Variants in CSMD3 observed in about 807,000 individuals in gnomAD.
CSMD3 encodes the protein CUB and sushi domain-containing protein 3.
In CSMD3, 177 loss-of-function variants were observed where a neutral mutation model predicts 435.2. The observed-to-expected ratio is 0.41, with a 90% CI of 0.36 to 0.46. The LOEUF is 0.46. Ranked by LOEUF, CSMD3 falls within the 20% of genes least tolerant of loss-of-function variation. The probability of loss-of-function intolerance (pLI) is 0.34; values close to 1 mark genes in which losing one functional copy is unlikely to be tolerated. For synonymous variants in CSMD3, 1,656 were observed against 1,520.5 expected (o/e 1.09, Z -2.07); for missense variants, 4,265 against 4,504.6 (o/e 0.95, Z 1.52).
chr8:112,569,149 C>T (rs1338178981), intron 24 of CSMD3, among the ~76,000 whole-genome samples: 4 of 152,106 alleles, frequency 2.6e-5, no homozygotes, highest in Admixed American at 6.6e-5. Flanking sequence ...GGAGTATATG[C>T]GGTTGGCACT....
chr8:113,350,889 C>T (rs1418105216), intron 1 of CSMD3, among the ~76,000 whole-genome samples: 1 of 152,058 alleles, frequency 6.6e-6, no homozygotes, highest in Non-Finnish European at 1.5e-5. Context: ...TATTCAGTCT[C>T]TATGCCTTTA....
intron 2 of CSMD3, among the ~76,000 whole-genome samples, chr8:113,299,392 C>T (rs1163558521): frequency 6.6e-6 from 1 of 152,008 alleles, no homozygotes; most frequent in Admixed American, 6.6e-5. Flanking sequence ...AAATATGTTG[C>T]CCTGCCTAAG....
intron 1 of CSMD3, among the ~76,000 whole-genome samples, chr8:113,424,961 AT>A (rs2094627802): frequency 6.6e-6 from 1 of 151,570 alleles, no homozygotes; most frequent in Non-Finnish European, 1.5e-5. Context: ...TAATCAGATT[AT>A]TTTGGTATTA....
At chr8:112,406,831 C>A in intron 34 of CSMD3, 104 bp from the exon 35 acceptor site, 1 of 635,434 alleles carries the variant, frequency 1.6e-6, no homozygotes, top group Non-Finnish European at 2.6e-6. Flanking sequence ...CACTTTTTAT[C>A]AGAACTTGAA....
chr8:112,422,258 A>G (rs541705900), intron 32 of CSMD3, among the ~76,000 whole-genome samples: 1 of 152,332 alleles, frequency 6.6e-6, no homozygotes, highest in East Asian at 1.9e-4. Flanking sequence ...TTATAAATAC[A>G]TTCATCCTAA....
intron 13 of CSMD3, among the ~76,000 whole-genome samples, chr8:112,743,745 T>C (rs770859314): frequency 9.2e-5 from 14 of 151,986 alleles, no homozygotes; most frequent in Non-Finnish European, 1.9e-4. Context: ...AAAGGGAAAA[T>C]AGTTTTTACC....
At chr8:113,192,524 C>G (rs1564410635) in intron 3 of CSMD3, among the ~76,000 whole-genome samples, 1 of 151,574 alleles carries the variant, frequency 6.6e-6, no homozygotes, top group African/African-American at 2.4e-5. Context: ...ATTATTTGAA[C>G]ACTTTTCTGG....
chr8:112,279,674 T>G (rs1818440453), intron 59 of CSMD3, among the ~76,000 whole-genome samples: 2 of 152,118 alleles, frequency 1.3e-5, no homozygotes, highest in African/African-American at 4.8e-5. Context: ...ATTTGTTCAG[T>G]GTTTAAACCT....
intron 3 of CSMD3, among the ~76,000 whole-genome samples, chr8:113,275,384 A>G (rs2093562063): frequency 6.6e-6 from 1 of 152,078 alleles, no homozygotes; most frequent in African/African-American, 2.4e-5. Flanking sequence ...CAGTAGGCAT[A>G]AGAATCAGTG....
intron 6 of CSMD3, among the ~76,000 whole-genome samples, chr8:112,983,014 T>C (rs1293813796): frequency 1.3e-5 from 2 of 152,108 alleles, no homozygotes; most frequent in Middle Eastern, 3.4e-3. Flanking sequence ...CTTATTCATT[T>C]ATGTTTTCTC....
chr8:112,258,209 C>T (rs1023773678), intron 61 of CSMD3, among the ~76,000 whole-genome samples: 2 of 152,190 alleles, frequency 1.3e-5, no homozygotes, highest in African/African-American at 4.8e-5. Context: ...CCAATCAGGA[C>T]ATAGGCATCG....
chr8:112,471,297 G>A (rs564741639), intron 32 of CSMD3, among the ~76,000 whole-genome samples: 1 of 152,126 alleles, frequency 6.6e-6, no homozygotes, highest in East Asian at 1.9e-4. Flanking sequence ...CAGCAACCAT[G>A]TAACATTTTT....
At chr8:113,203,552 C>T (rs889992718) in intron 3 of CSMD3, among the ~76,000 whole-genome samples, 2 of 151,734 alleles carry the variant, frequency 1.3e-5, no homozygotes, top group African/African-American at 4.8e-5. Context: ...AGTCACTGCA[C>T]CTGGTCAAAT....
At chr8:112,295,356 T>C (rs1182596054) in intron 54 of CSMD3, among the ~76,000 whole-genome samples, 1 of 152,108 alleles carries the variant, frequency 6.6e-6, no homozygotes, top group African/African-American at 2.4e-5. Context: ...CTAATGATAA[T>C]ATATTCCCCA....
chr8:112,450,596 G>A (rs144972864), intron 32 of CSMD3, among the ~76,000 whole-genome samples: 64 of 152,276 alleles, frequency 4.2e-4, no homozygotes, highest in Admixed American at 7.2e-4. Flanking sequence ...ATCGGAAAAC[G>A]CAGAGCTGAG....
chr8:113,334,868 C>T (rs187627543), intron 1 of CSMD3, among the ~76,000 whole-genome samples: 22 of 151,866 alleles, frequency 1.4e-4, no homozygotes, highest in Admixed American at 2.6e-4. Flanking sequence ...AATAGTGTGC[C>T]TTTCATTATG....
intron 13 of CSMD3, among the ~76,000 whole-genome samples, chr8:112,766,086 T>C (rs1040061969): frequency 2.0e-5 from 3 of 151,678 alleles, no homozygotes; most frequent in Non-Finnish European, 4.4e-5. Context: ...AATGATTGTA[T>C]TGAAGAAAAG....
At chr8:112,226,941 G>T (rs1183775529) in intron 70 of CSMD3, among the ~76,000 whole-genome samples, 1 of 152,106 alleles carries the variant, frequency 6.6e-6, no homozygotes, top group African/African-American at 2.4e-5. Flanking sequence ...GTTAGGCTTT[G>T]GACAAAGCAG....
intron 13 of CSMD3, among the ~76,000 whole-genome samples, chr8:112,751,427 G>A (rs1417080542): frequency 6.6e-6 from 1 of 152,030 alleles, no homozygotes; most frequent in East Asian, 1.9e-4. Flanking sequence ...AAGCAAGGAA[G>A]AAAATACTTA....
Sources: gnomAD v4.1 joint callset for allele counts (sites outside exome capture counted in the v4.1 genomes callset) on GRCh38, gnomAD v4.1.1 for gene constraint, MANE v1.5 for transcripts, NCBI Gene and HGNC (gene_info 2026-07-23, HGNC 2026-07-21) for gene names.